The following MARCHF1 variants were observed in gnomAD, a reference collection of about 807,000 sequenced individuals.
MARCHF1 encodes the protein E3 ubiquitin-protein ligase MARCHF1.
In MARCHF1, 40 loss-of-function variants were observed where a neutral mutation model predicts 54.2. The observed-to-expected ratio is 0.74, with a 90% CI of 0.57 to 0.96. The LOEUF (loss-of-function observed/expected upper bound fraction) is 0.96. Ranked by LOEUF, MARCHF1 falls within the 40% of genes least tolerant of loss-of-function variation. MARCHF1 has a pLI of 0.00. For missense variants in MARCHF1, 586 were observed against 656.5 expected, an observed-to-expected ratio of 0.89 and a Z score of 1.17; for synonymous variants, 236 against 236.3, an observed-to-expected ratio of 1.00 and a Z score of 0.01.
rs1746092229 is a variant in MARCHF1 at position 163,737,900 on chromosome 4, C to T, written c.112-37037G>A. Among the ~76,000 whole-genome samples the T allele has an allele frequency of 3.8e-5, 3 of 78,902 alleles. 1 individual carries two copies. Among genetic ancestry groups the T allele is most frequent in the Admixed American group, 3.7e-4 (3 of 8,050 alleles). 51.8% of individuals were successfully genotyped at this position (78,902 alleles called of 152,430 possible). A position where few individuals can be genotyped will look rare whatever the true frequency, so the allele number is the denominator to read the frequency against. On this transcript the variant is annotated intron_variant, in intron 4 of 9. Coordinates refer to ENST00000514618, the MANE Select transcript of MARCHF1 (RefSeq NM_001394959.1). Reference sequence around the variant, plus strand: ...GAAATACCATTTGACCCAGCCATCCCATTACTGGGTATATACCCAAAGGAC... The same window carrying T: ...GAAATACCATTTGACCCAGCCATCCTATTACTGGGTATATACCCAAAGGAC...
At chr4:163,834,666 A>G (rs1749129141) in intron 4 of MARCHF1, among the ~76,000 whole-genome samples, 1 of 139,016 alleles carries the variant, frequency 7.2e-6, no homozygotes, top group Admixed American at 8.2e-5. Flanking sequence ...ATGAAATTGG[A>G]AATCATCATT....
chr4:163,977,664 TACA>T (rs1752676280), intron 3 of MARCHF1, among the ~76,000 whole-genome samples: 1 of 152,332 alleles, frequency 6.6e-6, no homozygotes, highest in African/African-American at 2.4e-5. Context: ...ATGTTGTTAG[TACA>T]ACAATTTAAT....
intron 9 of MARCHF1, among the ~76,000 whole-genome samples, chr4:163,543,630 T>TG (rs1367612039): frequency 6.6e-6 from 1 of 152,050 alleles, no homozygotes; most frequent in Non-Finnish European, 1.5e-5. Context: ...CATGGAGCCA[T>TG]GAGTTTCTTG....
chr4:163,954,864 T>C (rs6536764), intron 3 of MARCHF1, among the ~76,000 whole-genome samples: 81,074 of 151,984 alleles, frequency 0.53, 23,244 homozygotes, highest in Middle Eastern at 0.68. Context: ...GCACCTTGTA[T>C]AAATTCAGAA....
At chr4:163,926,126 A>G (rs995853688) in intron 3 of MARCHF1, among the ~76,000 whole-genome samples, 1 of 151,628 alleles carries the variant, frequency 6.6e-6, no homozygotes, top group African/African-American at 2.4e-5. Context: ...TTACCATCTA[A>G]GTCAAAATGC....
chr4:164,349,857 A>G (rs1375920707), intron 1 of MARCHF1, among the ~76,000 whole-genome samples: 2 of 152,218 alleles, frequency 1.3e-5, no homozygotes, highest in Admixed American at 6.5e-5. Flanking sequence ...AAAAGTTGTC[A>G]AGAGATTTCA....
At chr4:163,828,012 C>T (rs556155807) in intron 4 of MARCHF1, among the ~76,000 whole-genome samples, 1 of 70,182 alleles carries the variant, frequency 1.4e-5, no homozygotes, top group African/African-American at 5.0e-5. Context: ...TGTGCGCAGG[C>T]ATACACACAC....
At chr4:164,110,085 T>A (rs929473450) in intron 2 of MARCHF1, among the ~76,000 whole-genome samples, 2 of 150,076 alleles carry the variant, frequency 1.3e-5, no homozygotes, top group African/African-American at 4.9e-5. Flanking sequence ...AATGTTGTTG[T>A]TATTTGAAAA....
At chr4:163,920,221 C>T (rs954378455) in intron 3 of MARCHF1, among the ~76,000 whole-genome samples, 12 of 152,120 alleles carry the variant, frequency 7.9e-5, no homozygotes, top group Non-Finnish European at 1.8e-4. Flanking sequence ...GCTCTGCTTT[C>T]GTTCCCCACC....
At chr4:163,941,356 G>T (rs1170800813) in intron 3 of MARCHF1, among the ~76,000 whole-genome samples, 1 of 152,038 alleles carries the variant, frequency 6.6e-6, no homozygotes, top group Non-Finnish European at 1.5e-5. Flanking sequence ...GAGAAGAAAA[G>T]AACATTCCAA....
chr4:164,112,191 T>C (rs961866526), intron 1 of MARCHF1, among the ~76,000 whole-genome samples: 8 of 151,886 alleles, frequency 5.3e-5, no homozygotes, highest in African/African-American at 7.2e-5. Flanking sequence ...TGGATCCTTA[T>C]GTAATCTAAG....
At chr4:164,140,870 A>T (rs1449724491) in intron 1 of MARCHF1, among the ~76,000 whole-genome samples, 1 of 152,110 alleles carries the variant, frequency 6.6e-6, no homozygotes, top group Non-Finnish European at 1.5e-5. Context: ...TAATCATAAC[A>T]TCCTTACTCA....
intron 4 of MARCHF1, among the ~76,000 whole-genome samples, chr4:163,763,506 C>T (rs1006144608): frequency 3.3e-5 from 5 of 152,054 alleles, no homozygotes; most frequent in Non-Finnish European, 5.9e-5. Context: ...TCGTTTTTCT[C>T]AGAAGTATCC....
chr4:163,709,694 G>GA (rs1745050671), intron 4 of MARCHF1, among the ~76,000 whole-genome samples: 2 of 152,140 alleles, frequency 1.3e-5, no homozygotes, highest in African/African-American at 2.4e-5. Context: ...GGGATTGGTG[G>GA]AAAAATCACA....
At chr4:163,968,541 T>C (rs1225746677) in intron 3 of MARCHF1, among the ~76,000 whole-genome samples, 1 of 152,152 alleles carries the variant, frequency 6.6e-6, no homozygotes, top group African/African-American at 2.4e-5. Context: ...TTTTAATGCA[T>C]ACAAAGAGCA....
chr4:164,060,543 C>T (rs988525908), intron 2 of MARCHF1, among the ~76,000 whole-genome samples: 2 of 151,874 alleles, frequency 1.3e-5, no homozygotes, highest in African/African-American at 4.8e-5. Context: ...TATTTTATGA[C>T]TAAAGGGTAA....
intron 1 of MARCHF1, among the ~76,000 whole-genome samples, chr4:164,176,970 C>G (rs1382227705): frequency 1.7e-5 from 1 of 57,442 alleles, no homozygotes; most frequent in African/African-American, 8.0e-5. Flanking sequence ...CTCTCTCTCT[C>G]TCTCTCTCTC....
chr4:164,006,103 A>G (rs112880801), intron 2 of MARCHF1, among the ~76,000 whole-genome samples: 44 of 152,290 alleles, frequency 2.9e-4, no homozygotes, highest in African/African-American at 1.0e-3. Context: ...CCATGACCTC[A>G]ACAAAAGGAT....
At chr4:163,911,058 T>C in intron 3 of MARCHF1, among the ~76,000 whole-genome samples, 1 of 152,212 alleles carries the variant, frequency 6.6e-6, no homozygotes, top group East Asian at 1.9e-4. Context: ...ATGTGGAGAA[T>C]TTTTTAAATT....
Sources: allele counts gnomAD v4.1 joint callset (sites outside exome capture counted in the v4.1 genomes callset), GRCh38; gene constraint gnomAD v4.1.1; transcripts MANE v1.5; gene names NCBI Gene and HGNC (gene_info 2026-07-23, HGNC 2026-07-21).